Variants in FGF14 observed in about 807,000 individuals in gnomAD.
FGF14 encodes the protein fibroblast growth factor 14, also known as fibroblast growth factor homologous factor 4.
In FGF14, 5 loss-of-function variants were observed where a neutral mutation model predicts 25.5. The ratio of observed to expected loss-of-function variants is 0.20; its 90% confidence interval spans 0.10 to 0.41. FGF14 has a LOEUF of 0.41. Among genes scored for constraint, FGF14 ranks in the 10% least tolerant of loss-of-function variants. The pLI is 1.00. For missense variants in FGF14, 222 were observed against 320.1 expected, an observed-to-expected ratio of 0.69 and a Z score of 2.34; for synonymous variants, 138 against 118.3, an observed-to-expected ratio of 1.17 and a Z score of -1.08.
intron 1 of FGF14, among the ~76,000 whole-genome samples, chr13:101,899,455 GA>G (rs1334951543): frequency 1.3e-5 from 2 of 151,778 alleles, no homozygotes; most frequent in Non-Finnish European, 2.9e-5. Context: ...TTTAAAACTG[GA>G]AAAAAATATA....
At chr13:102,154,613 G>T (rs1213535819) in intron 1 of FGF14, among the ~76,000 whole-genome samples, 1 of 152,204 alleles carries the variant, frequency 6.6e-6, no homozygotes, top group South Asian at 2.1e-4. Flanking sequence ...ATCAACTAAC[G>T]AGCAAAATAA....
intron 1 of FGF14, among the ~76,000 whole-genome samples, chr13:101,888,784 A>C (rs2046122077): frequency 6.6e-6 from 1 of 152,190 alleles, no homozygotes; most frequent in Non-Finnish European, 1.5e-5. Flanking sequence ...AGCACAACAA[A>C]ACACTTCTTC....
chr13:102,209,698 G>A (rs746814755), intron 1 of FGF14, among the ~76,000 whole-genome samples: 5 of 152,094 alleles, frequency 3.3e-5, no homozygotes, highest in Admixed American at 6.6e-5. Context: ...CCCTACAAAG[G>A]GGATTTTAAA....
chr13:102,214,921 G>A (rs904188888), intron 1 of FGF14, among the ~76,000 whole-genome samples: 1 of 152,046 alleles, frequency 6.6e-6, no homozygotes, highest in African/African-American at 2.4e-5. Context: ...GCTCATATTT[G>A]GTATGGAAAG....
chr13:101,896,713 G>T (rs1594643207), intron 1 of FGF14, among the ~76,000 whole-genome samples: 3 of 152,138 alleles, frequency 2.0e-5, no homozygotes, highest in Admixed American at 2.0e-4. Context: ...CTACATGCAC[G>T]CAGGCAGACA....
At chr13:102,209,196 T>C (rs1158450377) in intron 1 of FGF14, among the ~76,000 whole-genome samples, 1 of 152,226 alleles carries the variant, frequency 6.6e-6, no homozygotes, top group African/African-American at 2.4e-5. Flanking sequence ...TTGTTTCCAG[T>C]TGGGTATGAG....
intron 1 of FGF14, among the ~76,000 whole-genome samples, chr13:101,929,560 A>G (rs1178727477): frequency 6.6e-6 from 1 of 152,164 alleles, no homozygotes; most frequent in Non-Finnish European, 1.5e-5. Flanking sequence ...GCTATTTTCC[A>G]CATAGGTTTG....
intron 1 of FGF14, among the ~76,000 whole-genome samples, chr13:102,007,305 G>T (rs2039856880): frequency 6.6e-6 from 1 of 152,144 alleles, no homozygotes; most frequent in Non-Finnish European, 1.5e-5. Context: ...GGTCTAAACT[G>T]AATATAATGC....
Position 101,877,287 on chromosome 13 carries a change from T to G in FGF14, c.194-1991A>C, listed in dbSNP as rs531717572. ...GAAAATACAACCAAATTGATTTTGATTCATCTGGTTACATATTGTTTGACG... is the reference window on the plus strand; with the variant it reads ...GAAAATACAACCAAATTGATTTTGAGTCATCTGGTTACATATTGTTTGACG... On this transcript the variant is annotated intron_variant, in intron 1 of 4. Coordinates refer to ENST00000376143, the MANE Select transcript of FGF14 (RefSeq NM_004115.4). Among the ~76,000 whole-genome samples the G allele has an allele frequency of 1.2e-4, 19 of 152,310 alleles. No individual in the cohort carries two copies. In the South Asian group the frequency reaches 1.9e-3, roughly 15 times the overall value.
rs1379700273 is a variant in FGF14 at position 101,721,362 on chromosome 13, A to AAAG, written c.*1466_*1468dup. ...GCTCAAACAAACAGTGTTAAACTAAAAAGGAAATTAAGAATGCAAAATAAA... is the reference window on the plus strand; with the variant it reads ...GCTCAAACAAACAGTGTTAAACTAAAAAGAAGGAAATTAAGAATGCAAAATAAA... On this transcript the variant is annotated 3_prime_UTR_variant, in exon 5 of 5. Coordinates refer to ENST00000376143, the MANE Select transcript of FGF14 (RefSeq NM_004115.4). 1.3e-5 allele frequency: 2 copies of AAAG among 152,096 alleles called. No homozygotes were observed. Among genetic ancestry groups the AAAG allele is most frequent in the Non-Finnish European group, 2.9e-5 (2 of 68,022 alleles). 9.4% of individuals were successfully genotyped at this position (152,096 alleles called of 1,614,324 possible).
chr13:102,042,456 G>A (rs567465700), intron 1 of FGF14, among the ~76,000 whole-genome samples: 1 of 152,278 alleles, frequency 6.6e-6, no homozygotes, highest in South Asian at 2.1e-4. Flanking sequence ...AGAGGCACCT[G>A]TCACAGTAAG....
intron 1 of FGF14, among the ~76,000 whole-genome samples, chr13:102,263,490 T>C (rs904645395): frequency 1.3e-5 from 2 of 152,166 alleles, no homozygotes; most frequent in Admixed American, 6.6e-5. Flanking sequence ...ACCTAATATG[T>C]ATGAAGATTA....
intron 1 of FGF14, among the ~76,000 whole-genome samples, chr13:102,265,618 C>T (rs1208699538): frequency 6.6e-6 from 1 of 151,990 alleles, no homozygotes; most frequent in Admixed American, 6.6e-5. Flanking sequence ...CTGTTTGATT[C>T]TCACAAAATA....
chr13:102,331,041 C>A (rs1415443950), intron 1 of FGF14, among the ~76,000 whole-genome samples: 3 of 152,162 alleles, frequency 2.0e-5, no homozygotes, highest in Non-Finnish European at 4.4e-5. Context: ...AACTTTGGTG[C>A]TTGGACGTGT....
At chr13:102,126,878 C>T (rs116588523) in intron 1 of FGF14, among the ~76,000 whole-genome samples, 4,960 of 152,170 alleles carry the variant, frequency 0.033, 290 homozygotes, top group African/African-American at 0.11. Flanking sequence ...TGGTGGTAGA[C>T]GGGATTGGCA....
intron 1 of FGF14, among the ~76,000 whole-genome samples, chr13:102,201,102 CAAAAAAAAAAAAAAAAAAAA>C (rs60149871): frequency 3.2e-5 from 2 of 62,718 alleles, no homozygotes; most frequent in African/African-American, 1.3e-4. Flanking sequence ...CTCCGTCTCT[CAAAAAAAAAAAAAAAAAAAA>C]AAAAAAAAAA....
At chr13:101,857,906 T>C (rs1330835169) in intron 3 of FGF14, among the ~76,000 whole-genome samples, 2 of 151,996 alleles carry the variant, frequency 1.3e-5, no homozygotes, top group African/African-American at 4.8e-5. Flanking sequence ...ATGAAAGTTA[T>C]CACTGAGGGA....
chr13:102,074,977 A>G (rs2043300821), intron 1 of FGF14, among the ~76,000 whole-genome samples: 1 of 152,220 alleles, frequency 6.6e-6, no homozygotes, highest in African/African-American at 2.4e-5. Context: ...TATCCTCAGC[A>G]GGGAAAAGTT....
chr13:102,215,236 G>A (rs2050321917), intron 1 of FGF14, among the ~76,000 whole-genome samples: 1 of 152,212 alleles, frequency 6.6e-6, no homozygotes, highest in South Asian at 2.1e-4. Flanking sequence ...GCACAGAGAA[G>A]TGAGAGAACC....
Sources: gnomAD v4.1 joint callset for allele counts (sites outside exome capture counted in the v4.1 genomes callset) on GRCh38, gnomAD v4.1.1 for gene constraint, MANE v1.5 for transcripts, NCBI Gene and HGNC (gene_info 2026-07-23, HGNC 2026-07-21) for gene names.